RNF38: variants seen among roughly 807,000 people sequenced by gnomAD.
RNF38 encodes the protein ring finger protein 38.
Under a neutral mutation model 67.2 loss-of-function variants are expected in RNF38, and 15 were observed. That is an observed-to-expected ratio of 0.22 (90% CI 0.15 to 0.34). The LOEUF (loss-of-function observed/expected upper bound fraction) is 0.34. Ranked by LOEUF, RNF38 falls within the 10% of genes least tolerant of loss-of-function variation. RNF38 has a pLI of 1.00. For synonymous variants in RNF38, 220 were observed against 218.8 expected (o/e 1.01, Z -0.05); for missense variants, 524 against 639.9 (o/e 0.82, Z 1.95).
intron 7 of RNF38, 146 bp from the exon 8 acceptor site, chr9:36,352,994 T>C: frequency 1.2e-6 from 1 of 802,408 alleles, no homozygotes; most frequent in Non-Finnish European, 2.0e-6. Flanking sequence ...AACTTATTAA[T>C]GGATGCAGCA....
At chr9:36,408,370 G>A (rs889600736) in intron 2 of RNF38, among the ~76,000 whole-genome samples, 3 of 150,988 alleles carry the variant, frequency 2.0e-5, no homozygotes, top group Admixed American at 2.0e-4. Context: ...AGTTGACCCT[G>A]GAGGGGAATC....
intron 1 of RNF38, among the ~76,000 whole-genome samples, chr9:36,431,064 G>T (rs956216997): frequency 1.3e-5 from 2 of 152,180 alleles, no homozygotes; most frequent in African/African-American, 4.8e-5. Context: ...ATTGCAAGTA[G>T]TGGGTCCTCA....
intron 1 of RNF38, among the ~76,000 whole-genome samples, chr9:36,443,765 C>T (rs1839245589): frequency 6.6e-6 from 1 of 152,166 alleles, no homozygotes; most frequent in African/African-American, 2.4e-5. Context: ...CATCTGGTTT[C>T]CATGACTAAT....
exon 1 of RNF38, chr9:36,487,437 G>A: frequency 2.0e-6 from 2 of 980,834 alleles, no homozygotes; most frequent in Non-Finnish European, 2.4e-6. Flanking sequence ...GGGCGCGGGC[G>A]GCGCGGGGGC....
At position 36,356,349 on chromosome 9, in the gene RNF38, G is replaced by A; in HGVS notation, c.863C>T (p.Pro288Leu). Residue 288 changes from proline (P) to leucine (L), a missense_variant, in exon 6 of 12, where the codon CCA becomes CTA. Physicochemically the swap from Pro to Leu is moderately conservative, Grantham distance 98. Transcript: ENST00000259605. ...HLSPHHPPHL[P>L]PPGQFVPFQT... Reference sequence around the variant, plus strand: ...GAAAGGGACAAACTGGCCTGGTGGTGGCAAATGAGGAGGATGATGGGGAGA... The same window carrying A: ...GAAAGGGACAAACTGGCCTGGTGGTAGCAAATGAGGAGGATGATGGGGAGA... 1 of 1,614,002 alleles carries A rather than the reference G, an allele frequency of 6.2e-7. No individual in the cohort carries two copies. The highest frequency in any genetic ancestry group is 8.5e-7 in the Non-Finnish European group (1 of 1,179,976).
chr9:36,357,797 G>C lies in RNF38; in HGVS notation c.716C>G (p.Pro239Arg). 6.2e-7 allele frequency: 1 copy of C among 1,613,750 alleles called. No individual in the cohort carries two copies. The highest frequency in any genetic ancestry group is 1.1e-5 in the South Asian group (1 of 91,074). ...CSVVFSGQHL[P>R]VCSVPPPMLQ... ...TACTGGAGGAGGCACACTACAGACAGGGAGGTGCTGTCCACTGAAAACCAC... is the reference window on the plus strand; with the variant it reads ...TACTGGAGGAGGCACACTACAGACACGGAGGTGCTGTCCACTGAAAACCAC... The change falls in exon 5 of 12, where the codon CCT becomes CGT. Residue 239 changes from proline (P) to arginine (R), a missense_variant. Transcript: ENST00000259605.
intron 1 of RNF38, among the ~76,000 whole-genome samples, chr9:36,463,413 CA>C (rs1180088430): frequency 1.3e-5 from 2 of 152,176 alleles, no homozygotes; most frequent in Non-Finnish European, 2.9e-5. Flanking sequence ...AGGAAAGTCT[CA>C]TTTCTGGATC....
chr9:36,390,627 G>C lies in RNF38; in HGVS notation c.13-11C>G. The C allele has an allele frequency of 6.2e-7, 1 of 1,613,804 alleles. No individual in the cohort carries two copies. Among genetic ancestry groups the C allele is most frequent in the Non-Finnish European group, 8.5e-7 (1 of 1,179,770 alleles). On this transcript the variant is annotated splice_polypyrimidine_tract_variant and intron_variant, in intron 1 of 11. Coordinates refer to ENST00000259605, the MANE Select transcript of RNF38 (RefSeq NM_022781.5). The stretch of plus-strand genomic sequence containing the variant: ...GGCCCCGGGAGATATCTGGGAAAAA[G>C]AGGAAGAAAAGGATAGTTCATGGCT...
chr9:36,400,046 T>C, intron 1 of RNF38, 51 bp downstream of exon 1: 1 of 1,554,276 alleles, frequency 6.4e-7, no homozygotes, highest in Non-Finnish European at 8.8e-7. Flanking sequence ...ACCCAACTTT[T>C]ACTGAATAAT....
At position 36,375,949 on chromosome 9, in the gene RNF38, G is replaced by C; in HGVS notation, c.341C>G (p.Ala114Gly). ...HFSGERCNTP[A>G]RNRRSPPVRR... is the part of the protein sequence containing the mutation. ...ATCAACTAACCTTCTTCTGTTGCGTGCAGGTGTGTTGCATCGTTCCCCTGA... is the reference window on the plus strand; with the variant it reads ...ATCAACTAACCTTCTTCTGTTGCGTCCAGGTGTGTTGCATCGTTCCCCTGA... Residue 114 changes from alanine (A) to glycine (G), a missense_variant, in exon 3 of 12, where the codon GCA becomes GGA. Ala to Gly is a moderately conservative substitution (Grantham distance 60). Around this residue, in one of 2 missense-constraint regions of RNF38, gnomAD observed 461 missense variants for 517.4 expected, o/e 0.89. Transcript: ENST00000259605. 6.2e-7 allele frequency: 1 copy of C among 1,611,648 alleles called. No homozygotes were observed. Among genetic ancestry groups the C allele is most frequent in the Non-Finnish European group, 8.5e-7 (1 of 1,179,120 alleles).
intron 1 of RNF38, among the ~76,000 whole-genome samples, chr9:36,397,104 G>GT (rs34047668): frequency 2.2e-3 from 302 of 135,234 alleles, no homozygotes; most frequent in Middle Eastern, 0.012. Context: ...TATATGTTTT[G>GT]TTTTTTTTTT....
exon 1 of RNF38, chr9:36,487,498 C>CGCGGCG (rs920318554): frequency 3.1e-6 from 3 of 977,040 alleles, no homozygotes; most frequent in South Asian, 4.5e-5. Context: ...GCTGAAAGTG[C>CGCGGCG]GCGGCGGCGG....
chr9:36,477,345 T>C (rs553672568), intron 1 of RNF38, among the ~76,000 whole-genome samples: 35 of 150,844 alleles, frequency 2.3e-4, no homozygotes, highest in African/African-American at 7.8e-4. Context: ...AAAGATTACC[T>C]TGCAATCAAC....
chr9:36,344,033 A>C lies in RNF38; in HGVS notation c.1385+799T>G, dbSNP rs138489683. Among the ~76,000 whole-genome samples, 386 of 152,268 alleles carry C rather than the reference A, an allele frequency of 2.5e-3. 2 individuals carry two copies. The highest frequency in any genetic ancestry group is 8.1e-3 in the African/African-American group (335 of 41,550). On this transcript the variant is annotated intron_variant, in intron 10 of 11. Transcript: ENST00000259605. The stretch of plus-strand genomic sequence containing the variant: ...ACTTTTTAAATTATTATTATTTTTG[A>C]GATGGAGTCTTGCTCTGTCACCCAG...
intron 1 of RNF38, among the ~76,000 whole-genome samples, chr9:36,433,686 CAA>C (rs199573932): frequency 2.0e-4 from 14 of 68,836 alleles, no homozygotes; most frequent in Admixed American, 3.4e-4. Flanking sequence ...GACTTCGCCT[CAA>C]AAAAAAAAAA....
intron 3 of RNF38, among the ~76,000 whole-genome samples, chr9:36,371,979 G>A (rs1835414810): frequency 6.8e-6 from 1 of 148,060 alleles, no homozygotes; most frequent in Non-Finnish European, 1.5e-5. Context: ...CTGCCAGGCT[G>A]GAGTGCAGTG....
upstream of RNF38, chr9:36,400,830 C>G: frequency 1.0e-6 from 1 of 985,072 alleles, no homozygotes; most frequent in Non-Finnish European, 1.2e-6. Context: ...TCCGCCCCCA[C>G]GCCCCAACCG....
intron 2 of RNF38, among the ~76,000 whole-genome samples, chr9:36,414,776 T>G (rs1838419322): frequency 6.6e-6 from 1 of 152,216 alleles, no homozygotes; most frequent in Admixed American, 6.5e-5. Flanking sequence ...AGCATTTGTT[T>G]GTCTGAATAA....
At chr9:36,465,792 T>G (rs1839844798) in intron 1 of RNF38, among the ~76,000 whole-genome samples, 3 of 152,122 alleles carry the variant, frequency 2.0e-5, no homozygotes. Context: ...GGCTCACGCC[T>G]GTAATCCCAG....
Sources: gnomAD v4.1 joint callset for allele counts (sites outside exome capture counted in the v4.1 genomes callset) on GRCh38, gnomAD v4.1.1 for gene constraint, gnomAD v4.1.1 regional missense constraint, MANE v1.5 for transcripts, NCBI Gene and HGNC (gene_info 2026-07-23, HGNC 2026-07-21) for gene names.